PCDHGC5: variants seen among roughly 807,000 people sequenced by gnomAD.
The protein encoded by PCDHGC5 is protocadherin gamma-C5.
A neutral mutation model predicts 59.0 loss-of-function variants in PCDHGC5; 25 were observed. The observed-to-expected ratio is 0.42, with a 90% CI of 0.31 to 0.59. PCDHGC5 has a LOEUF of 0.59. PCDHGC5 is among the 20% of genes least tolerant of loss of function. The pLI is 0.13. For synonymous variants in PCDHGC5, 434 were observed against 505.5 expected, an observed-to-expected ratio of 0.86 and a Z score of 1.90; for missense variants, 1,067 against 1,206.4, an observed-to-expected ratio of 0.88 and a Z score of 1.71.
At chr5:141,502,024 C>G (rs2099812413) in intron 2 of PCDHGC5, among the ~76,000 whole-genome samples, 1 of 152,152 alleles carries the variant, frequency 6.6e-6, no homozygotes, top group African/African-American at 2.4e-5. Context: ...TCCCTGCAAC[C>G]CCCGCCGCTT....
chr5:141,511,419 G>A lies in PCDHGC5; in HGVS notation c.*246G>A, dbSNP rs1437533706. On this transcript the variant is annotated 3_prime_UTR_variant, in exon 4 of 4. Coordinates refer to ENST00000252087, the MANE Select transcript of PCDHGC5 (RefSeq NM_018929.3). Reference sequence around the variant, plus strand: ...ATCCAATCAACTGCTGTACCCATGGGGGTAGTGGGGTTACTGTAGACACCA... The same window carrying A: ...ATCCAATCAACTGCTGTACCCATGGAGGTAGTGGGGTTACTGTAGACACCA... 1.2e-6 allele frequency: 1 copy of A among 830,454 alleles called. No individual in the cohort carries two copies. The highest frequency in any genetic ancestry group is 1.7e-5 in the African/African-American group (1 of 58,076). 51.4% of individuals were successfully genotyped at this position (830,454 alleles called of 1,614,324 possible).
intron 2 of PCDHGC5, among the ~76,000 whole-genome samples, chr5:141,497,487 T>TCTCTCTCTC (rs1223198472): frequency 1.3e-5 from 2 of 151,562 alleles, no homozygotes; most frequent in Non-Finnish European, 2.9e-5. Flanking sequence ...GCGGAACCTC[T>TCTCTCTCTC]CTCTCTCTCC....
Position 141,489,172 on chromosome 5 carries a change from T to G in PCDHGC5, c.-69T>G. 1 of 1,199,026 alleles carries G rather than the reference T, an allele frequency of 8.3e-7. No individual in the cohort carries two copies. Among genetic ancestry groups the G allele is most frequent in the East Asian group, 2.4e-5 (1 of 42,106 alleles). The allele number at this position is 1,199,026 out of a possible 1,614,324, so 74.3% of individuals were successfully genotyped here. ...ACATAAGAGACTTCAGCTGCTGCATTCCAAGCCCTGGGTCTACCTTGGAGA... is the reference window on the plus strand; with the variant it reads ...ACATAAGAGACTTCAGCTGCTGCATGCCAAGCCCTGGGTCTACCTTGGAGA... On this transcript the variant is annotated 5_prime_UTR_variant, in exon 1 of 4. In the 5' UTR this introduces an upstream ATG that the reference lacks. Coordinates refer to ENST00000252087, the MANE Select transcript of PCDHGC5 (RefSeq NM_018929.3). This position sits in a 1 kb window ranked among gnomAD's most constrained non-coding sequence, Gnocchi z 4.5.
chr5:141,492,043 TC>T (rs1323524482), intron 1 of PCDHGC5: 5 of 518,152 alleles, frequency 9.6e-6, no homozygotes, highest in Non-Finnish European at 1.7e-5. Context: ...CAGTCACAGA[TC>T]CACCCCTGCA....
At chr5:141,494,965 C>T in intron 2 of PCDHGC5, 100 bp downstream of exon 2, 1 of 1,592,636 alleles carries the variant, frequency 6.3e-7, no homozygotes, top group Non-Finnish European at 8.6e-7. Context: ...CTACAGATGG[C>T]TTCTCCCTCA....
rs1004089667 is a variant in PCDHGC5, at chr5:141,497,399, C to G, written c.2519+2534C>G. The stretch of plus-strand genomic sequence containing the variant: ...TGGGGTGAGCACCTTACCCCTGCCT[C>G]AACTCCCATTCCATCAAATGAGAGG... On this transcript the variant is annotated intron_variant, in intron 2 of 3. Coordinates refer to ENST00000252087, the MANE Select transcript of PCDHGC5 (RefSeq NM_018929.3). Among the ~76,000 whole-genome samples the G allele has an allele frequency of 5.9e-5, 9 of 152,146 alleles. 1 individual carries two copies. The highest frequency in any genetic ancestry group is 1.2e-4 in the Non-Finnish European group (8 of 68,034).
intron 2 of PCDHGC5, among the ~76,000 whole-genome samples, chr5:141,496,121 C>A (rs1391009290): frequency 6.6e-6 from 1 of 152,088 alleles, no homozygotes; most frequent in Non-Finnish European, 1.5e-5. Flanking sequence ...TCCTTCCCTG[C>A]CCCTCACACA....
At position 141,505,499 on chromosome 5, in the gene PCDHGC5, G is replaced by A. The variant is rs753203943; in HGVS notation, c.2608+18G>A. ...CGCCAGTGGTAAGTGGTGTCAGTGT[G>A]TGTATGGAAGAGTGGGAGACCTGGG... is the stretch of plus-strand genomic sequence containing the variant. On this transcript the variant is annotated intron_variant, in intron 3 of 3. Transcript: ENST00000252087. 6.2e-7 allele frequency: 1 copy of A among 1,614,172 alleles called. No homozygotes were observed. The highest frequency in any genetic ancestry group is 8.5e-7 in the Non-Finnish European group (1 of 1,179,982).
chr5:141,506,246 C>T (rs1049014492), intron 3 of PCDHGC5, among the ~76,000 whole-genome samples: 3 of 151,958 alleles, frequency 2.0e-5, no homozygotes, highest in South Asian at 4.2e-4. Context: ...GTCAGGAGTT[C>T]GAAACCGGCC....
rs1562157859 is a variant in PCDHGC5 at position 141,493,022 on chromosome 5, G to GTGCC, written c.2460+1323_2460+1326dup. Among the ~76,000 whole-genome samples, 2 of 152,222 alleles carry GTGCC rather than the reference G, an allele frequency of 1.3e-5. No homozygotes were observed. Among genetic ancestry groups the GTGCC allele is most frequent in the African/African-American group, 4.8e-5 (2 of 41,454 alleles). ...GCTATAGGCTCTGCCAGATGCCAGG[G>GTGCC]TGCCCTTATGTGTGAGGAAACTACA... On this transcript the variant is annotated intron_variant, in intron 1 of 3. Coordinates refer to ENST00000252087, the MANE Select transcript of PCDHGC5 (RefSeq NM_018929.3). The surrounding 1 kb of genome is among the most constrained non-coding windows in gnomAD (Gnocchi z 4.3).
chr5:141,494,386 T>G (rs2099753905), intron 1 of PCDHGC5, among the ~76,000 whole-genome samples: 1 of 152,198 alleles, frequency 6.6e-6, no homozygotes, highest in African/African-American at 2.4e-5. Context: ...GCTGAGGAGT[T>G]GAATAAATTC....
Position 141,491,466 on chromosome 5 carries a change from T to G in PCDHGC5, c.2226T>G (p.Tyr742Ter). The G allele has an allele frequency of 6.2e-7, 1 of 1,614,068 alleles. No individual in the cohort carries two copies. Among genetic ancestry groups the G allele is most frequent in the Non-Finnish European group, 8.5e-7 (1 of 1,179,986 alleles). ...AGGACTCACCCTCCCCGGACTTCTA[T>G]AAGCAGTCCAGCCCCAACCTGCAGG... The part of the protein sequence containing the change: ...RRQDSPSPDF[Y>*]KQSSPNLQVS... The change falls in exon 1 of 4, where the codon TAT becomes TAG. Residue 742 changes from tyrosine (Y) to a stop codon, truncating the protein, a stop_gained. Coordinates refer to ENST00000252087, the MANE Select transcript of PCDHGC5 (RefSeq NM_018929.3). LOFTEE classifies it high-confidence loss of function. This position sits in a 1 kb window ranked among gnomAD's most constrained non-coding sequence, Gnocchi z 6.9.
chr5:141,491,353 T>A lies in PCDHGC5; in HGVS notation c.2113T>A (p.Ser705Thr). The change falls in exon 1 of 4, where the codon TCC becomes ACC. Residue 705 changes from serine (S) to threonine (T), a missense_variant. Physicochemically the swap from Ser to Thr is moderately conservative, Grantham distance 58 (BLOSUM62 1). Coordinates refer to ENST00000252087, the MANE Select transcript of PCDHGC5 (RefSeq NM_018929.3). This position sits in a 1 kb window ranked among gnomAD's most constrained non-coding sequence, Gnocchi z 6.9. The part of the protein sequence containing the change: ...IVALATVSLL[S>T]LVTFTFLSAK... ...GGCTCTAGCGACCGTCAGTCTCTTATCCCTAGTCACCTTCACCTTTCTGTC... is the reference window on the plus strand; with the variant it reads ...GGCTCTAGCGACCGTCAGTCTCTTAACCCTAGTCACCTTCACCTTTCTGTC... The A allele has an allele frequency of 6.2e-7, 1 of 1,614,160 alleles. No homozygotes were observed. Among genetic ancestry groups the A allele is most frequent in the South Asian group, 1.1e-5 (1 of 91,080 alleles).
chr5:141,496,164 C>A (rs745320704), intron 2 of PCDHGC5, among the ~76,000 whole-genome samples: 1 of 152,084 alleles, frequency 6.6e-6, no homozygotes, highest in East Asian at 1.9e-4. Flanking sequence ...CCACCAGACA[C>A]CCTCCCATCC....
Position 141,490,027 on chromosome 5 carries a change from CG to C in PCDHGC5, c.788del (p.Arg263ProfsTer15). The C allele has an allele frequency of 6.2e-7, 1 of 1,614,214 alleles. No individual in the cohort carries two copies. Among genetic ancestry groups the C allele is most frequent in the Admixed American group, 1.7e-5 (1 of 60,032 alleles). On this transcript the variant is annotated frameshift_variant, in exon 1 of 4. Transcript: ENST00000252087. LOFTEE classifies it high-confidence loss of function. The surrounding 1 kb of genome is among the most constrained non-coding windows in gnomAD (Gnocchi z 5.4). The part of the protein sequence containing the change: ...ENAPIGTLLL[R>X]LNATDPDEGT... Reference sequence around the variant, plus strand: ...TGCACCCATTGGTACTCTGCTGCTCCGCCTCAATGCCACTGATCCAGACGAG... The same window carrying C: ...TGCACCCATTGGTACTCTGCTGCTCCCCTCAATGCCACTGATCCAGACGAG...
In PCDHGC5 at chr5:141,491,928, G is replaced by T; in HGVS notation, c.2460+228G>T. 1 of 1,301,482 alleles carries T rather than the reference G, an allele frequency of 7.7e-7. No homozygotes were observed. Among genetic ancestry groups the T allele is most frequent in the South Asian group, 1.6e-5 (1 of 63,466 alleles). 80.6% of individuals were successfully genotyped at this position (1,301,482 alleles called of 1,614,324 possible). A position where few individuals can be genotyped will look rare whatever the true frequency, so the allele number is the denominator to read the frequency against. On this transcript the variant is annotated intron_variant, in intron 1 of 3. Coordinates refer to ENST00000252087, the MANE Select transcript of PCDHGC5 (RefSeq NM_018929.3). The surrounding 1 kb of genome is among the most constrained non-coding windows in gnomAD (Gnocchi z 6.9). ...TGGTGGCGACTGTGGGCGAGGGGAG[G>T]TGGGACCGACCCCCACCCCTACACT... is the stretch of plus-strand genomic sequence containing the variant.
Position 141,489,084 on chromosome 5 carries a change from C to CCG in PCDHGC5, c.-157_-156insCG. On this transcript the variant is annotated 5_prime_UTR_variant, in exon 1 of 4. Coordinates refer to ENST00000252087, the MANE Select transcript of PCDHGC5 (RefSeq NM_018929.3). The surrounding 1 kb of genome is among the most constrained non-coding windows in gnomAD (Gnocchi z 4.5). ...CTCCCCCCTGCCCACCCCCGCCACT[C>CCG]GGTGACTAAGAACTGCTGCAAGCAG... 9.1e-6 allele frequency: 3 copies of CCG among 329,130 alleles called. No individual in the cohort carries two copies. The highest frequency in any genetic ancestry group is 5.4e-6 in the Non-Finnish European group (1 of 186,464). The allele number at this position is 329,130 out of a possible 1,614,324, so 20.4% of individuals were successfully genotyped here. A position where few individuals can be genotyped will look rare whatever the true frequency, so the allele number is the denominator to read the frequency against.
intron 2 of PCDHGC5, among the ~76,000 whole-genome samples, chr5:141,501,690 A>G (rs760011264): frequency 5.3e-5 from 8 of 152,158 alleles, no homozygotes; most frequent in Non-Finnish European, 1.0e-4. Context: ...ACTTATCTGC[A>G]GGGTGATTCC....
rs1160304959 is a variant in PCDHGC5, at chr5:141,490,969, C to A, written c.1729C>A (p.Gln577Lys). The change falls in exon 1 of 4, where the codon CAG becomes AAG. Residue 577 changes from glutamine to lysine, a missense_variant. Coordinates refer to ENST00000252087, the MANE Select transcript of PCDHGC5 (RefSeq NM_018929.3). This position sits in a 1 kb window ranked among gnomAD's most constrained non-coding sequence, Gnocchi z 5.4. Reference protein sequence around the residue: ...PRPDWEHSAPQRLPRSAPPGS... With the variant: ...PRPDWEHSAPKRLPRSAPPGS... ...GCCAGACTGGGAACACTCAGCCCCC[C>A]AGCGTCTCCCTCGCTCTGCTCCTCC... The A allele has an allele frequency of 2.5e-6, 4 of 1,613,820 alleles. No individual in the cohort carries two copies. In the African/African-American group the frequency reaches 4.0e-5, roughly 16 times the overall value.
Sources: allele counts gnomAD v4.1 joint callset (sites outside exome capture counted in the v4.1 genomes callset), GRCh38; gene constraint gnomAD v4.1.1; non-coding constraint Gnocchi (gnomAD v3.1); transcripts MANE v1.5; gene names NCBI Gene and HGNC (gene_info 2026-07-23, HGNC 2026-07-21).